Variants in CTU1 observed in about 807,000 individuals in gnomAD.
The protein encoded by CTU1 is cytoplasmic tRNA 2-thiolation protein 1.
A neutral mutation model predicts 12.9 loss-of-function variants in CTU1; 15 were observed. That is an observed-to-expected ratio of 1.16 (90% CI 0.78 to 1.79). The LOEUF is 1.79. CTU1 is among the 40% of genes most tolerant of loss of function. The pLI, the probability that CTU1 is intolerant of heterozygous loss-of-function variation, is 0.00. For synonymous variants in CTU1, 295 were observed against 275.6 expected (o/e 1.07, Z -0.70); for missense variants, 553 against 550.5 (o/e 1.00, Z -0.05).
chr19:51,098,806 G>A lies in CTU1; in HGVS notation c.842C>T (p.Pro281Leu). ...ERLALAPAAR[P>L]PRPGACSRCG... ...GCGGGAGCAGGCGCCGGGGCGCGGGGGCCGCGCGGCCGGGGCCAGCGCCAG... is the reference window on the plus strand; with the variant it reads ...GCGGGAGCAGGCGCCGGGGCGCGGGAGCCGCGCGGCCGGGGCCAGCGCCAG... Residue 281 changes from proline to leucine, a missense_variant, in exon 3 of 3, where the codon CCC becomes CTC. Physicochemically the swap from Pro to Leu is moderately conservative, Grantham distance 98. Transcript: ENST00000421832. The surrounding 1 kb of genome is among the most constrained non-coding windows in gnomAD (Gnocchi z 4.3). The A allele has an allele frequency of 2.9e-6, 3 of 1,047,770 alleles. No individual in the cohort carries two copies. The highest frequency in any genetic ancestry group is 1.7e-5 in the African/African-American group (1 of 57,914). The allele number at this position is 1,047,770 out of a possible 1,614,324, so 64.9% of individuals were successfully genotyped here. A position where few individuals can be genotyped will look rare whatever the true frequency, so the allele number is the denominator to read the frequency against.
rs1372379430 is a variant in CTU1, at chr19:51,097,861, T to C, written c.*740A>G. The C allele has an allele frequency of 6.6e-6, 1 of 152,068 alleles. No individual in the cohort carries two copies. The highest frequency in any genetic ancestry group is 1.5e-5 in the Non-Finnish European group (1 of 68,052). 9.4% of individuals were successfully genotyped at this position (152,068 alleles called of 1,614,324 possible). A position where few individuals can be genotyped will look rare whatever the true frequency, so the allele number is the denominator to read the frequency against. ...ATACCAGGAGAGATTCGAGAGGGGA[T>C]GGGTGGGGGAGGACCAATTCCACGA... On this transcript the variant is annotated 3_prime_UTR_variant, in exon 3 of 3. Coordinates refer to ENST00000421832, the MANE Select transcript of CTU1 (RefSeq NM_145232.4).
chr19:51,100,220 T>C (rs2091904007), intron 2 of CTU1, among the ~76,000 whole-genome samples: 1 of 152,128 alleles, frequency 6.6e-6, no homozygotes, highest in Non-Finnish European at 1.5e-5. Flanking sequence ...ATACCTCATT[T>C]GCCACCCGCC....
At chr19:51,104,021 T>A (rs1390444347) in intron 2 of CTU1, 41 bp downstream of exon 2, 1 of 1,407,816 alleles carries the variant, frequency 7.1e-7, no homozygotes, top group East Asian at 2.8e-5. Flanking sequence ...TTCGCCCCAC[T>A]GCCTCGGAGA....
chr19:51,098,970 G>A lies in CTU1; in HGVS notation c.678C>T (p.His226=). 1 of 1,544,958 alleles carries A rather than the reference G, an allele frequency of 6.5e-7. No individual in the cohort carries two copies. Residue 226 remains histidine (H), a synonymous_variant, in exon 3 of 3, where the codon CAC becomes CAT. Transcript: ENST00000421832. This position sits in a 1 kb window ranked among gnomAD's most constrained non-coding sequence, Gnocchi z 4.3. ...CGGAGAAGTAGTCGAGGCGGCGGAA[G>A]TGCGCGTACAGCACCACCTCCTTCT... is the stretch of plus-strand genomic sequence containing the variant. ...ASQKEVVLYA[H]FRRLDYFSEE... is the part of the protein sequence containing the mutation.
Position 51,107,923 on chromosome 19 carries a change from C to T in CTU1, c.-22+424G>A, listed in dbSNP as rs371756198. On this transcript the variant is annotated intron_variant, in intron 1 of 2. Coordinates refer to ENST00000421832, the MANE Select transcript of CTU1 (RefSeq NM_145232.4). Reference sequence around the variant, plus strand: ...CTGTCTCTCTGCTTCAAGGCAGGGACAGGGTTGGTCTGGTGCCCTCGCTCC... The same window carrying T: ...CTGTCTCTCTGCTTCAAGGCAGGGATAGGGTTGGTCTGGTGCCCTCGCTCC... Among the ~76,000 whole-genome samples the T allele has an allele frequency of 9.9e-5, 15 of 152,256 alleles. No individual in the cohort carries two copies. The South Asian group carries it at 1.0e-3, about 11-fold the overall frequency.
chr19:51,102,128 C>T (rs1342876487), intron 2 of CTU1, among the ~76,000 whole-genome samples: 1 of 152,144 alleles, frequency 6.6e-6, no homozygotes, highest in Non-Finnish European at 1.5e-5. Flanking sequence ...CTCAGCCTCC[C>T]GTGTAGCTGG....
intron 2 of CTU1, among the ~76,000 whole-genome samples, chr19:51,100,018 G>A (rs1048813963): frequency 2.0e-5 from 3 of 152,060 alleles, no homozygotes; most frequent in Non-Finnish European, 4.4e-5. Flanking sequence ...AGGACCCAGA[G>A]AGAGATGGGG....
In CTU1 at chr19:51,098,814, G is replaced by A. The variant is rs1213696311; in HGVS notation, c.834C>T (p.Ala278=). 2.8e-6 allele frequency: 3 copies of A among 1,061,184 alleles called. No individual in the cohort carries two copies. The highest frequency in any genetic ancestry group is 3.4e-6 in the Non-Finnish European group (3 of 879,272). The allele number at this position is 1,061,184 out of a possible 1,614,324, so 65.7% of individuals were successfully genotyped here. A position where few individuals can be genotyped will look rare whatever the true frequency, so the allele number is the denominator to read the frequency against. Residue 278 remains alanine, a synonymous_variant, in exon 3 of 3, where the codon GCC becomes GCT. Transcript: ENST00000421832. This position sits in a 1 kb window ranked among gnomAD's most constrained non-coding sequence, Gnocchi z 4.3. ...HSAERLALAP[A]ARPPRPGACS... ...AGGCGCCGGGGCGCGGGGGCCGCGC[G>A]GCCGGGGCCAGCGCCAGGCGCTCGG...
At position 51,104,415 on chromosome 19, in the gene CTU1, G is replaced by A. The variant is rs1264516362; in HGVS notation, c.155C>T (p.Ala52Val). ...VLAGRLLPPG[A>V]VVAVGASGGK... ...GCCCGAGGCGCCCACGGCCACCACCGCGCCGGGCGGCAGCAGGCGGCCGGC... is the reference window on the plus strand; with the variant it reads ...GCCCGAGGCGCCCACGGCCACCACCACGCCGGGCGGCAGCAGGCGGCCGGC... Residue 52 changes from alanine to valine, a missense_variant, in exon 2 of 3, where the codon GCG (alanine) becomes GTG (valine). Physicochemically the swap from Ala to Val is moderately conservative, Grantham distance 64. This residue lies in a region of CTU1 where 500 missense variants were observed against 458.5 expected (regional missense o/e 1.09). Transcript: ENST00000421832. The A allele has an allele frequency of 2.5e-6, 3 of 1,221,792 alleles. No individual in the cohort carries two copies. Among genetic ancestry groups the A allele is most frequent in the Admixed American group, 4.7e-5 (1 of 21,446 alleles). The allele number at this position is 1,221,792 out of a possible 1,614,324, so 75.7% of individuals were successfully genotyped here.
intron 1 of CTU1, among the ~76,000 whole-genome samples, chr19:51,107,137 C>T (rs1165407076): frequency 2.0e-5 from 3 of 152,182 alleles, no homozygotes; most frequent in Admixed American, 1.3e-4. Context: ...GGGGACAAGG[C>T]TGCACAAGTT....
At chr19:51,105,931 CCAAA>C (rs1254435556) in intron 1 of CTU1, among the ~76,000 whole-genome samples, 2 of 152,220 alleles carry the variant, frequency 1.3e-5, no homozygotes, top group African/African-American at 4.8e-5. Context: ...TTCAAAACAG[CCAAA>C]CACTTAGGAC....
chr19:51,104,757 G>C (rs146084841), intron 1 of CTU1, among the ~76,000 whole-genome samples, 167 bp from the exon 2 acceptor site: 4 of 152,312 alleles, frequency 2.6e-5, no homozygotes, highest in Non-Finnish European at 5.9e-5. Context: ...GTTATAAATA[G>C]GTCCGGTGTA....
intron 1 of CTU1, among the ~76,000 whole-genome samples, chr19:51,104,962 A>C (rs915350966): frequency 2.0e-5 from 3 of 152,136 alleles, no homozygotes; most frequent in Non-Finnish European, 2.9e-5. Context: ...CAGGGAGGCC[A>C]CCCTTGTTAC....
Position 51,104,093 on chromosome 19 carries a change from C to T in CTU1, c.477G>A (p.Ala159=). The T allele has an allele frequency of 1.4e-6, 2 of 1,472,094 alleles. No individual in the cohort carries two copies. Among genetic ancestry groups the T allele is most frequent in the South Asian group, 1.4e-5 (1 of 70,752 alleles). The allele number at this position is 1,472,094 out of a possible 1,614,324, so 91.2% of individuals were successfully genotyped here. Residue 159 remains alanine (A), a synonymous_variant, in exon 2 of 3, where the codon GCG becomes GCA. Coordinates refer to ENST00000421832, the MANE Select transcript of CTU1 (RefSeq NM_145232.4). Reference sequence around the variant, plus strand: ...CGATGTGCGTGGCTCCCACGCGGCGCGCCCCTTCCTCCAGCGCCCGGCGCC... The same window carrying T: ...CGATGTGCGTGGCTCCCACGCGGCGTGCCCCTTCCTCCAGCGCCCGGCGCC... ...VLRRRALEEG[A]RRVGATHIVT...
intron 1 of CTU1, among the ~76,000 whole-genome samples, chr19:51,105,491 G>C (rs978572718): frequency 6.6e-6 from 1 of 152,048 alleles, no homozygotes; most frequent in Non-Finnish European, 1.5e-5. Context: ...AACTCCCCAG[G>C]CTCAGTTCTC....
chr19:51,101,349 C>T (rs1167911069), intron 2 of CTU1, among the ~76,000 whole-genome samples: 1 of 152,106 alleles, frequency 6.6e-6, no homozygotes, highest in East Asian at 1.9e-4. Flanking sequence ...TGTGTCTTGT[C>T]AAGTTATACT....
At position 51,108,166 on chromosome 19, in the gene CTU1, C is replaced by G; in HGVS notation, c.-22+181G>C. 6.6e-6 allele frequency among the ~76,000 whole-genome samples: 1 copy of G among 151,956 alleles called. No homozygotes were observed. The highest frequency in any genetic ancestry group is 2.4e-5 in the African/African-American group (1 of 41,342). On this transcript the variant is annotated intron_variant, in intron 1 of 2. Coordinates refer to ENST00000421832, the MANE Select transcript of CTU1 (RefSeq NM_145232.4). The surrounding 1 kb of genome is among the most constrained non-coding windows in gnomAD (Gnocchi z 4.5). ...ATCCTGTCTTGGGGAAGGGAGTGGCCCGGTAAGAGACAGGCCGGACCGCAG... is the reference window on the plus strand; with the variant it reads ...ATCCTGTCTTGGGGAAGGGAGTGGCGCGGTAAGAGACAGGCCGGACCGCAG...
Position 51,098,995 on chromosome 19 carries a change from T to C in CTU1, c.653A>G (p.Gln218Arg), listed in dbSNP as rs2091900006. 1.3e-6 allele frequency: 2 copies of C among 1,537,976 alleles called. No individual in the cohort carries two copies. Among genetic ancestry groups the C allele is most frequent in the African/African-American group, 2.8e-5 (2 of 70,968 alleles). Reference sequence around the variant, plus strand: ...GTGCGCGTACAGCACCACCTCCTTCTGCGAGGCGAACTGCAGCGGGCGGCA... The same window carrying C: ...GTGCGCGTACAGCACCACCTCCTTCCGCGAGGCGAACTGCAGCGGGCGGCA... Reference protein sequence around the residue: ...PRCRPLQFASQKEVVLYAHFR... With the variant: ...PRCRPLQFASRKEVVLYAHFR... Residue 218 changes from glutamine to arginine, a missense_variant, in exon 3 of 3, where the codon CAG becomes CGG. Gln to Arg is a conservative substitution (Grantham distance 43). This residue lies in a region of CTU1 where 500 missense variants were observed against 458.5 expected (regional missense o/e 1.09). Transcript: ENST00000421832. The surrounding 1 kb of genome is among the most constrained non-coding windows in gnomAD (Gnocchi z 4.3).
intron 1 of CTU1, among the ~76,000 whole-genome samples, chr19:51,106,874 G>C (rs1219467218): frequency 6.6e-6 from 1 of 152,076 alleles, no homozygotes; most frequent in Non-Finnish European, 1.5e-5. Context: ...CCTCCTGGCT[G>C]GTCCTCCACA....
Sources: gnomAD v4.1 joint callset for allele counts (sites outside exome capture counted in the v4.1 genomes callset) on GRCh38, gnomAD v4.1.1 for gene constraint, gnomAD v4.1.1 regional missense constraint, Gnocchi (gnomAD v3.1) non-coding constraint, MANE v1.5 for transcripts, NCBI Gene and HGNC (gene_info 2026-07-23, HGNC 2026-07-21) for gene names.